Variants in SLC10A7 observed in about 807,000 individuals in gnomAD.
SLC10A7 encodes the protein sodium/bile acid cotransporter 7.
Under a neutral mutation model 43.2 loss-of-function variants are expected in SLC10A7, and 29 were observed. The observed-to-expected ratio is 0.67, with a 90% confidence interval of 0.50 to 0.92. SLC10A7 has a LOEUF of 0.92. Among genes scored for constraint, SLC10A7 ranks in the 40% least tolerant of loss-of-function variants. The pLI, the probability that SLC10A7 is intolerant of heterozygous loss-of-function variation, is 0.00. For synonymous variants in SLC10A7, 152 were observed against 144.8 expected (o/e 1.05, Z -0.35); for missense variants, 295 against 403.2 (o/e 0.73, Z 2.30).
chr4:146,286,796 G>GTTTGGAGTGGTGAGAAGGAGCATA (rs796648945), intron 9 of SLC10A7, among the ~76,000 whole-genome samples: 1 of 120,710 alleles, frequency 8.3e-6, no homozygotes, highest in Non-Finnish European at 1.8e-5. Context: ...GAGGGCTTGT[G>GTTTGGAGTGGTGAGAAGGAGCATA]TTTGCAGTGG....
rs781346106 is a variant in SLC10A7, at chr4:146,509,993, A to C, written c.240T>G (p.Thr80=). 6.2e-7 allele frequency: 1 copy of C among 1,613,766 alleles called. No homozygotes were observed. The highest frequency in any genetic ancestry group is 1.7e-5 in the Admixed American group (1 of 59,990). ...LKLHLFIQIF[T]LAFFPATIWL... ...ATATTGTTGCTGGGAAGAATGCAAG[A>C]GTAAAGATCTGAATAAAAAGATGCA... The change falls in exon 3 of 12, where the codon ACT becomes ACG. Residue 80 remains threonine, a synonymous_variant. Transcript: ENST00000335472.
At chr4:146,422,701 C>T (rs993248580) in intron 5 of SLC10A7, among the ~76,000 whole-genome samples, 3 of 152,056 alleles carry the variant, frequency 2.0e-5, no homozygotes, top group Middle Eastern at 6.3e-3. Flanking sequence ...ATTTTGTCTA[C>T]AATGTGCTAA....
chr4:146,521,590 G>C (rs764753813), intron 1 of SLC10A7, 28 bp downstream of exon 1: 33 of 1,583,508 alleles, frequency 2.1e-5, no homozygotes, highest in Non-Finnish European at 2.1e-5. Context: ...GGGAGCCGCG[G>C]TGGAGCCGGC....
rs1336449400 is a variant in SLC10A7 at position 146,294,089 on chromosome 4, G to A, written c.562C>T (p.Arg188Ter). Residue 188 changes from arginine to a stop codon, truncating the protein, a stop_gained, in exon 8 of 12, where the codon CGA becomes TGA. Coordinates refer to ENST00000335472, the MANE Select transcript of SLC10A7 (RefSeq NM_001029998.6). LOFTEE classifies it high-confidence loss of function. ...VVPLIIGQIV[R>*]RYIKDWLERK... ...TCAAGCCAATCCTTGATGTATCTTC[G>A]GACAATCTGAAATACAGAGATCAAC... 2.5e-6 allele frequency: 4 copies of A among 1,598,228 alleles called. No homozygotes were observed. Among genetic ancestry groups the A allele is most frequent in the Non-Finnish European group, 3.4e-6 (4 of 1,170,292 alleles).
chr4:146,433,391 A>G (rs1171398155), intron 5 of SLC10A7, among the ~76,000 whole-genome samples: 1 of 152,000 alleles, frequency 6.6e-6, no homozygotes, highest in African/African-American at 2.4e-5. Flanking sequence ...AAAAGATATG[A>G]ACAGATAATT....
At chr4:146,377,321 G>T (rs1266618211) in intron 5 of SLC10A7, among the ~76,000 whole-genome samples, 1 of 152,128 alleles carries the variant, frequency 6.6e-6, no homozygotes, top group East Asian at 1.9e-4. Flanking sequence ...GTACCAAGAG[G>T]GCAGGATGTA....
At chr4:146,512,279 A>C (rs1223807837) in intron 2 of SLC10A7, among the ~76,000 whole-genome samples, 1 of 152,082 alleles carries the variant, frequency 6.6e-6, no homozygotes, top group Non-Finnish European at 1.5e-5. Flanking sequence ...CGGACTGCAT[A>C]TACTTCTGAC....
chr4:146,352,549 A>G (rs1735205603), intron 5 of SLC10A7, among the ~76,000 whole-genome samples: 1 of 151,426 alleles, frequency 6.6e-6, no homozygotes, highest in African/African-American at 2.4e-5. Flanking sequence ...ATAGACATCT[A>G]CAGAACTCTC....
At chr4:146,324,119 A>G (rs1578883339) in intron 6 of SLC10A7, among the ~76,000 whole-genome samples, 1 of 152,204 alleles carries the variant, frequency 6.6e-6, no homozygotes, top group East Asian at 1.9e-4. Context: ...CTTACAAGGG[A>G]TATGAAGGAC....
Position 146,258,835 on chromosome 4 carries a change from T to C in SLC10A7, c.850A>G (p.Ile284Val), listed in dbSNP as rs1728039958. The change falls in exon 11 of 12, where the codon ATT becomes GTT. Residue 284 changes from isoleucine to valine, a missense_variant and splice_region_variant. Ile to Val is a conservative substitution (Grantham distance 29). Transcript: ENST00000335472. The part of the protein sequence containing the change: ...CSTHKSLTLG[I>V]PMLKIVFAGH... ...GCAAACACGATCTTCAGCATCGGAATTCCTGTTGAACAAAGAAGACAGAAA... is the reference window on the plus strand; with the variant it reads ...GCAAACACGATCTTCAGCATCGGAACTCCTGTTGAACAAAGAAGACAGAAA... 6.2e-7 allele frequency: 1 copy of C among 1,606,884 alleles called. No homozygotes were observed. Among genetic ancestry groups the C allele is most frequent in the Non-Finnish European group, 8.5e-7 (1 of 1,178,452 alleles).
At chr4:146,342,832 T>C (rs1734359587) in intron 5 of SLC10A7, among the ~76,000 whole-genome samples, 1 of 151,888 alleles carries the variant, frequency 6.6e-6, no homozygotes, top group Non-Finnish European at 1.5e-5. Flanking sequence ...TGCAAAGGTA[T>C]GCATTTGACA....
chr4:146,399,137 G>C, intron 5 of SLC10A7, among the ~76,000 whole-genome samples: 1 of 152,228 alleles, frequency 6.6e-6, no homozygotes, highest in Non-Finnish European at 1.5e-5. Flanking sequence ...AGCAAATCTA[G>C]TGAAGATCGG....
intron 6 of SLC10A7, among the ~76,000 whole-genome samples, chr4:146,318,162 T>G (rs1732454091): frequency 6.6e-6 from 1 of 151,464 alleles, no homozygotes; most frequent in African/African-American, 2.4e-5. Flanking sequence ...CTTCATATTT[T>G]ATTACTTTGT....
chr4:146,438,989 A>C (rs1579188838), intron 5 of SLC10A7, among the ~76,000 whole-genome samples: 1 of 152,056 alleles, frequency 6.6e-6, no homozygotes, highest in East Asian at 1.9e-4. Context: ...CGACTATCAA[A>C]TTTTATTAAA....
chr4:146,289,717 T>A lies in SLC10A7; in HGVS notation c.773+3212A>T, dbSNP rs938098868. ...ATCTCTGATTATTAGTTTTTTTTTT[T>A]TTTTTTTTTTTTTTTTGAGATGGAG... On this transcript the variant is annotated intron_variant, in intron 9 of 11. Transcript: ENST00000335472. Among the ~76,000 whole-genome samples, 6 of 138,004 alleles carry A rather than the reference T, an allele frequency of 4.3e-5. No homozygotes were observed. The East Asian group carries it at 1.1e-3, about 24-fold the overall frequency. 90.5% of individuals were successfully genotyped at this position (138,004 alleles called of 152,430 possible). A position where few individuals can be genotyped will look rare whatever the true frequency, so the allele number is the denominator to read the frequency against.
intron 5 of SLC10A7, among the ~76,000 whole-genome samples, chr4:146,342,581 A>G (rs1167099070): frequency 6.6e-6 from 1 of 151,714 alleles, no homozygotes; most frequent in African/African-American, 2.4e-5. Flanking sequence ...AATTTTAATA[A>G]TAGTACTATT....
At chr4:146,403,971 A>G (rs918860058) in intron 5 of SLC10A7, among the ~76,000 whole-genome samples, 2 of 152,146 alleles carry the variant, frequency 1.3e-5, no homozygotes, top group Admixed American at 6.5e-5. Context: ...ATTTTTATCC[A>G]TATTGCTAAA....
rs987610335 is a variant in SLC10A7 at position 146,261,420 on chromosome 4, G to GC, written c.848-2584dup. Among the ~76,000 whole-genome samples, 21 of 148,962 alleles carry GC rather than the reference G, an allele frequency of 1.4e-4. No individual in the cohort carries two copies. In the South Asian group the frequency reaches 2.1e-3, roughly 15 times the overall value. ...CTGAAAATTCTAACTTCTTCCCTTTGCCCCCCCAGCTCCAGCTACTTTCTG... is the reference window on the plus strand; with the variant it reads ...CTGAAAATTCTAACTTCTTCCCTTTGCCCCCCCCAGCTCCAGCTACTTTCTG... On this transcript the variant is annotated intron_variant, in intron 10 of 11. Coordinates refer to ENST00000335472, the MANE Select transcript of SLC10A7 (RefSeq NM_001029998.6).
intron 5 of SLC10A7, among the ~76,000 whole-genome samples, chr4:146,356,377 G>A (rs934326024): frequency 6.6e-6 from 1 of 151,788 alleles, no homozygotes; most frequent in Non-Finnish European, 1.5e-5. Context: ...ACTTGTCCAA[G>A]GGTCATATGA....
Sources: gnomAD v4.1 joint callset for allele counts (sites outside exome capture counted in the v4.1 genomes callset) on GRCh38, gnomAD v4.1.1 for gene constraint, MANE v1.5 for transcripts, NCBI Gene and HGNC (gene_info 2026-07-23, HGNC 2026-07-21) for gene names.